Variants in SPOCK1 observed in about 807,000 individuals in gnomAD.
The protein encoded by SPOCK1 is testican-1.
SPOCK1 carries 23 observed loss-of-function variants against 55.3 expected under a neutral mutation model. The ratio of observed to expected loss-of-function variants is 0.42; its 90% CI spans 0.30 to 0.59. The LOEUF (loss-of-function observed/expected upper bound fraction) is 0.59, where lower values mean the gene tolerates loss of function less well. Ranked by LOEUF, SPOCK1 falls within the 20% of genes least tolerant of loss-of-function variation. SPOCK1 has a pLI of 0.22. For synonymous variants in SPOCK1, 226 were observed against 221.0 expected (o/e 1.02, Z -0.20); for missense variants, 499 against 552.5 (o/e 0.90, Z 0.97).
chr5:137,109,928 C>T (rs2127030785), intron 5 of SPOCK1, among the ~76,000 whole-genome samples: 1 of 152,318 alleles, frequency 6.6e-6, no homozygotes, highest in South Asian at 2.1e-4. Flanking sequence ...CTGTTTATTT[C>T]TGTGTTCCCT....
In SPOCK1 at chr5:137,227,819, A is replaced by G. The variant is rs1218405532; in HGVS notation, c.232+39191T>C. On this transcript the variant is annotated intron_variant, in intron 3 of 10. Transcript: ENST00000394945. ...ACCACCAATGCAGATTTGTGCCATAAGCTTGTACCTCTTAGACCCTTCCCT... is the reference window on the plus strand; with the variant it reads ...ACCACCAATGCAGATTTGTGCCATAGGCTTGTACCTCTTAGACCCTTCCCT... Among the ~76,000 whole-genome samples, 5 of 152,160 alleles carry G rather than the reference A, an allele frequency of 3.3e-5. No homozygotes were observed. The East Asian group carries it at 9.6e-4, about 29-fold the overall frequency.
intron 2 of SPOCK1, among the ~76,000 whole-genome samples, chr5:137,282,239 T>C (rs1181069368): frequency 6.6e-6 from 1 of 152,240 alleles, no homozygotes; most frequent in Non-Finnish European, 1.5e-5. Context: ...ATTAGTATAT[T>C]TGTGATGCTG....
At chr5:137,051,191 G>T (rs1437065663) in intron 6 of SPOCK1, among the ~76,000 whole-genome samples, 1 of 152,148 alleles carries the variant, frequency 6.6e-6, no homozygotes, top group Non-Finnish European at 1.5e-5. Context: ...ACAAAATACA[G>T]TTTCAGTTTT....
intron 6 of SPOCK1, among the ~76,000 whole-genome samples, chr5:137,051,796 A>G (rs1752213069): frequency 6.6e-6 from 1 of 152,180 alleles, no homozygotes; most frequent in African/African-American, 2.4e-5. Context: ...ACACATACAC[A>G]CCTTTAACCT....
intron 2 of SPOCK1, among the ~76,000 whole-genome samples, chr5:137,382,829 T>C (rs1311814117): frequency 1.3e-5 from 2 of 152,248 alleles, no homozygotes; most frequent in African/African-American, 2.4e-5. Flanking sequence ...GCATACAACA[T>C]TACCCAGCTT....
intron 6 of SPOCK1, among the ~76,000 whole-genome samples, chr5:137,017,553 T>A (rs1036329696): frequency 2.6e-5 from 4 of 152,132 alleles, no homozygotes; most frequent in African/African-American, 9.7e-5. Flanking sequence ...CACAAAACAA[T>A]ATATGACGCT....
intron 10 of SPOCK1, 36 bp downstream of exon 10, chr5:136,979,296 G>T: frequency 1.2e-6 from 2 of 1,613,002 alleles, no homozygotes; most frequent in Non-Finnish European, 8.5e-7. Flanking sequence ...AGGCCACCCA[G>T]GTCATTGTGG....
intron 2 of SPOCK1, among the ~76,000 whole-genome samples, chr5:137,419,409 G>A (rs12521627): frequency 0.16 from 24,663 of 152,058 alleles, 2,227 homozygotes; most frequent in Admixed American, 0.27. Context: ...CCATTTTCAC[G>A]ATATTGATTC....
intron 6 of SPOCK1, among the ~76,000 whole-genome samples, chr5:137,011,331 T>G (rs1344207079): frequency 6.6e-6 from 1 of 152,142 alleles, no homozygotes; most frequent in Non-Finnish European, 1.5e-5. Flanking sequence ...AGCACAGGCA[T>G]AGACAAGAAT....
At chr5:137,212,275 TG>T (rs1167063443) in intron 3 of SPOCK1, among the ~76,000 whole-genome samples, 1 of 152,180 alleles carries the variant, frequency 6.6e-6, no homozygotes, top group Non-Finnish European at 1.5e-5. Context: ...TGAGTTATTC[TG>T]TATTGAGTGT....
At chr5:137,221,976 T>A (rs1368938394) in intron 3 of SPOCK1, among the ~76,000 whole-genome samples, 1 of 152,048 alleles carries the variant, frequency 6.6e-6, no homozygotes, top group Non-Finnish European at 1.5e-5. Flanking sequence ...TCAGACTCCA[T>A]CTGAAAAGGT....
At chr5:137,067,517 T>G (rs1314742885) in intron 6 of SPOCK1, among the ~76,000 whole-genome samples, 198 bp downstream of exon 6, 6 of 152,230 alleles carry the variant, frequency 3.9e-5, no homozygotes, top group African/African-American at 9.6e-5. Flanking sequence ...ACAGGATTAT[T>G]TTCAAAGGCT....
chr5:136,979,605 G>A, intron 9 of SPOCK1, 136 bp from the exon 10 acceptor site: 1 of 1,157,434 alleles, frequency 8.6e-7, no homozygotes, highest in Non-Finnish European at 1.2e-6. Context: ...GGGGATGGTT[G>A]GCTATTAGTC....
chr5:137,073,750 C>G (rs1444281721), intron 5 of SPOCK1, among the ~76,000 whole-genome samples: 2 of 151,978 alleles, frequency 1.3e-5, no homozygotes, highest in African/African-American at 4.8e-5. Flanking sequence ...CATTTTGAAA[C>G]TCCTCATGTA....
intron 2 of SPOCK1, among the ~76,000 whole-genome samples, chr5:137,314,932 A>G (rs1309303372): frequency 3.3e-5 from 5 of 152,204 alleles, no homozygotes. Context: ...TACATGCACC[A>G]GCTCAGTCTC....
chr5:137,001,943 G>T (rs79239931), intron 6 of SPOCK1, among the ~76,000 whole-genome samples: 126 of 152,282 alleles, frequency 8.3e-4, no homozygotes, highest in African/African-American at 2.8e-3. Flanking sequence ...TTTGAGCCAG[G>T]TTATGCCTGC....
rs112703206 is a variant in SPOCK1 at position 137,482,284 on chromosome 5, C to T, written c.186+16089G>A. On this transcript the variant is annotated intron_variant, in intron 2 of 10. Coordinates refer to ENST00000394945, the MANE Select transcript of SPOCK1 (RefSeq NM_004598.4). Reference sequence around the variant, plus strand: ...CCAAATAGAGCAGAGGCATTTGTTCCCCATCTCCACTATCCTATGGACTTG... The same window carrying T: ...CCAAATAGAGCAGAGGCATTTGTTCTCCATCTCCACTATCCTATGGACTTG... Among the ~76,000 whole-genome samples the T allele has an allele frequency of 3.1e-4, 47 of 152,274 alleles. No homozygotes were observed. The Middle Eastern group carries it at 0.02, about 66-fold the overall frequency.
chr5:137,217,022 A>C (rs1441498306), intron 3 of SPOCK1, among the ~76,000 whole-genome samples: 2 of 152,170 alleles, frequency 1.3e-5, no homozygotes, highest in African/African-American at 4.8e-5. Flanking sequence ...CTGAAGGCCT[A>C]GGTTGGGAGA....
Position 137,324,986 on chromosome 5 carries a change from G to A in SPOCK1, c.187-57931C>T, listed in dbSNP as rs534407888. Among the ~76,000 whole-genome samples the A allele has an allele frequency of 1.1e-4, 17 of 150,882 alleles. 1 individual carries two copies. The South Asian group carries it at 3.6e-3, about 32-fold the overall frequency. On this transcript the variant is annotated intron_variant, in intron 2 of 10. Transcript: ENST00000394945. ...TGAAAAAAAAAAAAATGAGGGGTTT[G>A]CACTTACCAAGGAAGCTAAATTGTC...
Sources: allele counts gnomAD v4.1 joint callset (sites outside exome capture counted in the v4.1 genomes callset), GRCh38; gene constraint gnomAD v4.1.1; transcripts MANE v1.5; gene names NCBI Gene and HGNC (gene_info 2026-07-23, HGNC 2026-07-21).